Variants in ARHGAP22 observed in about 807,000 individuals in gnomAD.
ARHGAP22 encodes the protein Rho GTPase activating protein 22.
A neutral mutation model predicts 59.1 loss-of-function variants in ARHGAP22; 48 were observed. The ratio of observed to expected loss-of-function variants is 0.81; its 90% CI spans 0.64 to 1.03. The LOEUF is 1.03. ARHGAP22 is among the 50% of genes least tolerant of loss of function. The probability of loss-of-function intolerance (pLI) is 0.00; values close to 1 mark genes in which losing one functional copy is unlikely to be tolerated. For synonymous variants in ARHGAP22, 445 were observed against 416.4 expected (o/e 1.07, Z -0.84); for missense variants, 1,015 against 958.7 (o/e 1.06, Z -0.78).
At chr10:48,651,757 T>A (rs1280731605) in intron 1 of ARHGAP22, among the ~76,000 whole-genome samples, 1 of 152,132 alleles carries the variant, frequency 6.6e-6, no homozygotes, top group African/African-American at 2.4e-5. Context: ...AAACAGACAG[T>A]CACAGCCATC....
At chr10:48,453,008 T>C (rs959269395) in intron 8 of ARHGAP22, among the ~76,000 whole-genome samples, 1 of 152,194 alleles carries the variant, frequency 6.6e-6, no homozygotes, top group South Asian at 2.1e-4. Context: ...ACCTCTCCCA[T>C]CCCTCCAGCC....
At chr10:48,580,709 T>C (rs2059058064) in intron 2 of ARHGAP22, among the ~76,000 whole-genome samples, 1 of 151,650 alleles carries the variant, frequency 6.6e-6, no homozygotes, top group East Asian at 1.9e-4. Flanking sequence ...CAGAAGGAAA[T>C]GACTGTGGGG....
chr10:48,577,760 T>C (rs1296354577), intron 2 of ARHGAP22, among the ~76,000 whole-genome samples: 1 of 147,548 alleles, frequency 6.8e-6, no homozygotes, highest in African/African-American at 2.5e-5. Context: ...CTCTTGGCAC[T>C]GGATTGCTCA....
At chr10:48,559,323 C>T (rs750890953) in intron 2 of ARHGAP22, among the ~76,000 whole-genome samples, 17 of 152,132 alleles carry the variant, frequency 1.1e-4, no homozygotes, top group Non-Finnish European at 2.4e-4. Flanking sequence ...CCCATGTGTC[C>T]GAGCTCATGT....
At chr10:48,562,269 G>A (rs373925233) in intron 2 of ARHGAP22, among the ~76,000 whole-genome samples, 5 of 108,212 alleles carry the variant, frequency 4.6e-5, no homozygotes, top group Admixed American at 1.8e-4. Flanking sequence ...CCTGGGATAC[G>A]ACCCAGCCAT....
chr10:48,536,626 T>C (rs1466642335), intron 3 of ARHGAP22, among the ~76,000 whole-genome samples: 1 of 152,202 alleles, frequency 6.6e-6, no homozygotes, highest in African/African-American at 2.4e-5. Context: ...TTTTTCAGAC[T>C]ATGGACACCA....
intron 1 of ARHGAP22, among the ~76,000 whole-genome samples, chr10:48,589,872 A>G (rs1034918102): frequency 6.6e-6 from 1 of 152,134 alleles, no homozygotes; most frequent in South Asian, 2.1e-4. Flanking sequence ...CTCTTTTCAC[A>G]GAAGTAGTTA....
intron 1 of ARHGAP22, among the ~76,000 whole-genome samples, chr10:48,640,687 T>C (rs186009577): frequency 6.6e-6 from 1 of 152,340 alleles, no homozygotes; most frequent in Non-Finnish European, 1.5e-5. Flanking sequence ...ACTGATAGAA[T>C]TCCTTGCTAG....
intron 3 of ARHGAP22, chr10:48,493,747 G>T (rs1265001677): frequency 9.5e-7 from 1 of 1,047,500 alleles, no homozygotes. Flanking sequence ...CCAGTGGGAG[G>T]TCGGCGTGGT....
At chr10:48,574,314 T>C (rs2058577766) in intron 2 of ARHGAP22, among the ~76,000 whole-genome samples, 1 of 152,078 alleles carries the variant, frequency 6.6e-6, no homozygotes, top group African/African-American at 2.4e-5. Flanking sequence ...TACCGCTAGG[T>C]GATAGGAAAA....
intron 4 of ARHGAP22, among the ~76,000 whole-genome samples, chr10:48,468,777 C>T (rs2047955367): frequency 6.6e-6 from 1 of 152,196 alleles, no homozygotes; most frequent in African/African-American, 2.4e-5. Flanking sequence ...GTGAGGATCC[C>T]TAGTCCTGGC....
chr10:48,568,912 G>A (rs954042382), intron 2 of ARHGAP22, among the ~76,000 whole-genome samples: 12 of 152,162 alleles, frequency 7.9e-5, no homozygotes, highest in African/African-American at 2.9e-4. Context: ...CTCTGCCCAC[G>A]AAGAACAGAC....
At chr10:48,591,136 C>T (rs1404230415) in intron 1 of ARHGAP22, among the ~76,000 whole-genome samples, 2 of 152,172 alleles carry the variant, frequency 1.3e-5, no homozygotes, top group Non-Finnish European at 1.5e-5. Context: ...AGTGCTTCAG[C>T]TCAGAGCCTC....
chr10:48,524,053 CT>C, intron 3 of ARHGAP22: 1 of 1,478,980 alleles, frequency 6.8e-7, no homozygotes, highest in Non-Finnish European at 8.9e-7. Flanking sequence ...CCGGAGTTAC[CT>C]TTGGGCGCTC....
At chr10:48,638,572 T>C (rs376653814) in intron 1 of ARHGAP22, among the ~76,000 whole-genome samples, 2 of 152,324 alleles carry the variant, frequency 1.3e-5, no homozygotes, top group East Asian at 3.9e-4. Flanking sequence ...CAGTATCTCT[T>C]GAACCTCATT....
At chr10:48,461,506 C>T (rs889533988) in intron 4 of ARHGAP22, among the ~76,000 whole-genome samples, 9 of 152,154 alleles carry the variant, frequency 5.9e-5, no homozygotes, top group South Asian at 4.2e-4. Flanking sequence ...TGATCTAAAA[C>T]AATACATGAC....
At chr10:48,564,075 T>A (rs2057889415) in intron 2 of ARHGAP22, among the ~76,000 whole-genome samples, 1 of 152,214 alleles carries the variant, frequency 6.6e-6, no homozygotes, top group African/African-American at 2.4e-5. Context: ...CATACACTTT[T>A]GATACATAAT....
At position 48,602,605 on chromosome 10, in the gene ARHGAP22, T is replaced by A. The variant is rs552157569; in HGVS notation, c.34+2158A>T. ...ACAGTGCTCCAGCCACCCAGGCAAA[T>A]GCTTTCTCCTCTATCCAGCTATTCA... On this transcript the variant is annotated intron_variant, in intron 1 of 9. Transcript: ENST00000249601. Among the ~76,000 whole-genome samples, 93 of 152,268 alleles carry A rather than the reference T, an allele frequency of 6.1e-4. 1 individual carries two copies. The highest frequency in any genetic ancestry group is 6.8e-3 in the Middle Eastern group (2 of 294).
Position 48,586,244 on chromosome 10 carries a change from C to T in ARHGAP22, c.35-3092G>A, listed in dbSNP as rs1190800057. On this transcript the variant is annotated intron_variant, in intron 1 of 9. Transcript: ENST00000249601. ...TGGGACCCAACTGAAGAAATACAGGCTTTGGACTAAGGTTTGAGTTTGCAT... is the reference window on the plus strand; with the variant it reads ...TGGGACCCAACTGAAGAAATACAGGTTTTGGACTAAGGTTTGAGTTTGCAT... Among the ~76,000 whole-genome samples the T allele has an allele frequency of 2.0e-5, 3 of 152,142 alleles. No homozygotes were observed. The East Asian group carries it at 5.8e-4, about 29-fold the overall frequency.
Sources: allele counts gnomAD v4.1 joint callset (sites outside exome capture counted in the v4.1 genomes callset), GRCh38; gene constraint gnomAD v4.1.1; transcripts MANE v1.5; gene names NCBI Gene and HGNC (gene_info 2026-07-23, HGNC 2026-07-21).